The following CACNA2D1 variants were observed in gnomAD, a reference collection of about 807,000 sequenced individuals.
The protein encoded by CACNA2D1 is voltage-dependent calcium channel subunit alpha-2/delta-1.
Under a neutral mutation model 171.5 loss-of-function variants are expected in CACNA2D1, and 53 were observed. The observed-to-expected ratio is 0.31, with a 90% CI of 0.25 to 0.39. The LOEUF is 0.39. CACNA2D1 is among the 10% of genes least tolerant of loss of function. CACNA2D1 has a pLI of 1.00. For missense variants in CACNA2D1, 903 were observed against 1,299.8 expected (o/e 0.69, Z 4.69); for synonymous variants, 442 against 443.1 (o/e 1.00, Z 0.03).
chr7:82,004,734 A>C (rs2130862168), intron 18 of CACNA2D1, among the ~76,000 whole-genome samples: 1 of 152,324 alleles, frequency 6.6e-6, no homozygotes, highest in Admixed American at 6.5e-5. Context: ...AAGACGTCTA[A>C]ATAAATTTTG....
At chr7:82,236,272 C>G (rs1033157350) in intron 3 of CACNA2D1, among the ~76,000 whole-genome samples, 3 of 151,998 alleles carry the variant, frequency 2.0e-5, no homozygotes, top group Admixed American at 6.6e-5. Flanking sequence ...ATTTTAAAAG[C>G]CTTTGGATCC....
chr7:82,206,730 A>G (rs2129215966), intron 3 of CACNA2D1, among the ~76,000 whole-genome samples: 1 of 152,252 alleles, frequency 6.6e-6, no homozygotes, highest in South Asian at 2.1e-4. Context: ...GATAAAAACT[A>G]TTTTTCCAAT....
At chr7:81,962,124 G>C in intron 35 of CACNA2D1, 101 bp from the exon 36 acceptor site, 1 of 1,149,392 alleles carries the variant, frequency 8.7e-7, no homozygotes. Context: ...CAAAATAAAC[G>C]TATAAGACCA....
chr7:82,268,925 G>A (rs192114209), intron 3 of CACNA2D1, among the ~76,000 whole-genome samples: 18 of 152,216 alleles, frequency 1.2e-4, no homozygotes, highest in Admixed American at 1.1e-3. Context: ...AAAGACAGTG[G>A]TTCTGGCCAG....
chr7:82,419,830 G>T (rs984695714), intron 1 of CACNA2D1, among the ~76,000 whole-genome samples: 6 of 152,180 alleles, frequency 3.9e-5, no homozygotes, highest in Non-Finnish European at 8.8e-5. Context: ...CTAGATATCT[G>T]CATTAAAGTA....
intron 3 of CACNA2D1, among the ~76,000 whole-genome samples, chr7:82,282,840 G>T (rs1810294494): frequency 6.6e-6 from 1 of 152,090 alleles, no homozygotes; most frequent in Non-Finnish European, 1.5e-5. Flanking sequence ...GCGTGTGGCA[G>T]GGAGGGTGTG....
At chr7:82,189,709 A>T (rs1037767262) in intron 3 of CACNA2D1, among the ~76,000 whole-genome samples, 1 of 151,910 alleles carries the variant, frequency 6.6e-6, no homozygotes, top group African/African-American at 2.4e-5. Context: ...AGTATAAAAG[A>T]GCTTGACACA....
intron 7 of CACNA2D1, among the ~76,000 whole-genome samples, chr7:82,084,041 C>T (rs1810134881): frequency 1.3e-5 from 2 of 152,102 alleles, no homozygotes; most frequent in Non-Finnish European, 2.9e-5. Context: ...TTTCAGCTTG[C>T]TCTAAAAAGT....
At chr7:82,036,021 C>T (rs1464887797) in intron 11 of CACNA2D1, among the ~76,000 whole-genome samples, 2 of 152,108 alleles carry the variant, frequency 1.3e-5, no homozygotes, top group Non-Finnish European at 2.9e-5. Context: ...AACATGACCT[C>T]AAATTCAACA....
intron 3 of CACNA2D1, among the ~76,000 whole-genome samples, chr7:82,332,990 C>T (rs911581898): frequency 6.6e-5 from 10 of 152,086 alleles, no homozygotes; most frequent in African/African-American, 2.4e-4. Flanking sequence ...TGAAGTGAGA[C>T]GCTGTCTCAA....
At chr7:82,164,739 G>C (rs17246460) in intron 4 of CACNA2D1, among the ~76,000 whole-genome samples, 39,177 of 151,796 alleles carry the variant, frequency 0.26, 5,366 homozygotes, top group Middle Eastern at 0.36. Context: ...GAAATGGATG[G>C]AAATACGTAT....
intron 3 of CACNA2D1, among the ~76,000 whole-genome samples, chr7:82,248,768 TC>T (rs1805245625): frequency 6.6e-6 from 1 of 150,910 alleles, no homozygotes; most frequent in Admixed American, 6.6e-5. Flanking sequence ...GACACAGTGA[TC>T]AACAAACACC....
At chr7:82,094,381 TAG>T (rs749047645) in intron 6 of CACNA2D1, among the ~76,000 whole-genome samples, 4 of 152,188 alleles carry the variant, frequency 2.6e-5, no homozygotes. Context: ...TGCACATGTA[TAG>T]AGATTGTCCA....
At chr7:82,257,709 A>T (rs1339458628) in intron 3 of CACNA2D1, among the ~76,000 whole-genome samples, 1 of 152,244 alleles carries the variant, frequency 6.6e-6, no homozygotes, top group Non-Finnish European at 1.5e-5. Flanking sequence ...GGTGAGATAT[A>T]ACAATTGTTA....
intron 16 of CACNA2D1, among the ~76,000 whole-genome samples, chr7:82,006,657 C>T (rs1346949527): frequency 6.6e-6 from 1 of 152,072 alleles, no homozygotes; most frequent in Admixed American, 6.6e-5. Context: ...CAATCCTAGT[C>T]TGAGCAAAAA....
intron 10 of CACNA2D1, among the ~76,000 whole-genome samples, chr7:82,049,057 AC>A (rs1349977733): frequency 6.6e-6 from 1 of 150,774 alleles, no homozygotes; most frequent in Non-Finnish European, 1.5e-5. Context: ...TACTTATTGT[AC>A]TTGTCAACAC....
rs532985247 is a variant in CACNA2D1, at chr7:82,024,159, A to T, written c.1143+8638T>A. Among the ~76,000 whole-genome samples the T allele has an allele frequency of 3.6e-3, 549 of 150,994 alleles. 7 individuals carry two copies. The highest frequency in any genetic ancestry group is 4.9e-3 in the Non-Finnish European group (328 of 67,522). On this transcript the variant is annotated intron_variant, in intron 12 of 38. Coordinates refer to ENST00000356860, the MANE Select transcript of CACNA2D1 (RefSeq NM_000722.4). Reference sequence around the variant, plus strand: ...ATCCTAACTTCAGTTTTTTTTTTGGATAAGTATCCAGAAGTAGGCTTTCTG... The same window carrying T: ...ATCCTAACTTCAGTTTTTTTTTTGGTTAAGTATCCAGAAGTAGGCTTTCTG...
intron 6 of CACNA2D1, among the ~76,000 whole-genome samples, chr7:82,089,493 C>T (rs1454339555): frequency 6.6e-6 from 1 of 152,104 alleles, no homozygotes; most frequent in Non-Finnish European, 1.5e-5. Context: ...GACTTTGAGG[C>T]CTTTATTCTG....
intron 3 of CACNA2D1, among the ~76,000 whole-genome samples, chr7:82,250,425 A>G (rs1479873378): frequency 6.6e-6 from 1 of 152,240 alleles, no homozygotes; most frequent in African/African-American, 2.4e-5. Flanking sequence ...CTTAAATAAC[A>G]TATAAAATCT....
Sources: gnomAD v4.1 joint callset for allele counts (sites outside exome capture counted in the v4.1 genomes callset) on GRCh38, gnomAD v4.1.1 for gene constraint, MANE v1.5 for transcripts, NCBI Gene and HGNC (gene_info 2026-07-23, HGNC 2026-07-21) for gene names.